Variants in FLNA observed in about 807,000 individuals in gnomAD.
FLNA encodes the protein filamin-A.
A neutral mutation model predicts 157.6 loss-of-function variants in FLNA; 7 were observed. That is an observed-to-expected ratio of 0.04 (90% CI 0.03 to 0.08). The LOEUF (loss-of-function observed/expected upper bound fraction) is 0.08. Among genes scored for constraint, FLNA ranks in the 10% least tolerant of loss-of-function variants. The pLI is 1.00. For missense variants in FLNA, 1,750 were observed against 2,398.4 expected (o/e 0.73, Z 5.65); for synonymous variants, 1,103 against 1,060.8 (o/e 1.04, Z -0.77).
rs781998679 is a variant in FLNA, at chrX:154,353,160, C to G, written c.6067G>C (p.Val2023Leu). The G allele has an allele frequency of 8.3e-7, 1 of 1,211,864 alleles. No homozygotes were observed. The highest frequency in any genetic ancestry group is 2.2e-5 in the Admixed American group (1 of 46,134). ...GCCACGTGCTGGCCATTTTTCTTCACATGCACCAGGTGCTCCCCCGTCTCC... is the reference window on the plus strand; with the variant it reads ...GCCACGTGCTGGCCATTTTTCTTCAGATGCACCAGGTGCTCCCCCGTCTCC... ...PKETGEHLVH[V>L]KKNGQHVASS... The change falls in exon 38 of 48, where the codon GTG becomes CTG. Residue 2023 changes from valine to leucine, a missense_variant. Physicochemically the swap from Val to Leu is conservative, Grantham distance 32 (BLOSUM62 1). This residue lies in a region of FLNA where 970 missense variants were observed against 1,302.6 expected (regional missense o/e 0.74). Coordinates refer to ENST00000369850, the MANE Select transcript of FLNA (RefSeq NM_001110556.2).
At position 154,352,349 on chromosome X, in the gene FLNA, G is replaced by A. The variant is rs782621818; in HGVS notation, c.6601C>T (p.Arg2201Cys). 14 of 1,210,876 alleles carry A rather than the reference G, an allele frequency of 1.2e-5. No homozygotes were observed. Among genetic ancestry groups the A allele is most frequent in the East Asian group, 3.0e-5 (1 of 33,774 alleles). The change falls in exon 41 of 48, where the codon CGC becomes TGC. Residue 2201 changes from arginine (R) to cysteine (C), a missense_variant. Coordinates refer to ENST00000369850, the MANE Select transcript of FLNA (RefSeq NM_001110556.2). ...GTGCCCATCTCAGCGGGAACAAAGC[G>A]GATGCAGTAGGTGTGGTTCTCCCCT... is the stretch of plus-strand genomic sequence containing the variant. ...VEGENHTYCI[R>C]FVPAEMGTHT...
In FLNA at chrX:154,360,193, G is replaced by A. The variant is rs201810442; in HGVS notation, c.3602C>T (p.Ala1201Val). ...GATGTACACCTCGGCCGGAAGCCCC[G>A]CCTCCGAGCAGATCTCAATGGTCAG... The part of the protein sequence containing the change: ...AELTIEICSE[A>V]GLPAEVYIQD... The change falls in exon 22 of 48, where the codon GCG becomes GTG. Residue 1201 changes from alanine to valine, a missense_variant. By Grantham distance (64) the Ala-to-Val change is moderately conservative (BLOSUM62 0). This residue lies in a region of FLNA where 3 missense variants were observed against 22.6 expected (regional missense o/e 0.13). Coordinates refer to ENST00000369850, the MANE Select transcript of FLNA (RefSeq NM_001110556.2). 2 of 1,209,753 alleles carry A rather than the reference G, an allele frequency of 1.7e-6. No homozygotes were observed. The highest frequency in any genetic ancestry group is 1.8e-5 in the South Asian group (1 of 57,049).
rs377269788 is a variant in FLNA, at chrX:154,355,089, G to T, written c.4970-17C>A. The T allele has an allele frequency of 5.8e-6, 7 of 1,197,024 alleles. No homozygotes were observed. The highest frequency in any genetic ancestry group is 6.8e-6 in the Non-Finnish European group (6 of 885,507). ...TGCCAGCACCTGGTGGGGCAGGGTG[G>T]GTCCCCAAAGGGGGGCCAGCGTGTG... On this transcript the variant is annotated splice_polypyrimidine_tract_variant and intron_variant, in intron 30 of 47. Coordinates refer to ENST00000369850, the MANE Select transcript of FLNA (RefSeq NM_001110556.2).
At chrX:154,351,133 C>T in intron 43 of FLNA, 92 bp from the exon 44 acceptor site, 1 of 1,032,120 alleles carries the variant, frequency 9.7e-7, no homozygotes, top group South Asian at 1.9e-5. Flanking sequence ...CCGCGGGTCG[C>T]ACTTACCCAT....
chrX:154,363,624 A>G lies in FLNA; in HGVS notation c.2280+398T>C, dbSNP rs782757787. On this transcript the variant is annotated intron_variant, in intron 15 of 47. Transcript: ENST00000369850. Reference sequence around the variant, plus strand: ...GCTACCCGGGAGGCTGAGGCAAGACAATGGTGTGAACCTGGGAGAAAGAGC... The same window carrying G: ...GCTACCCGGGAGGCTGAGGCAAGACGATGGTGTGAACCTGGGAGAAAGAGC... Among the ~76,000 whole-genome samples, 18 of 110,703 alleles carry G rather than the reference A, an allele frequency of 1.6e-4. No individual in the cohort carries two copies. Among genetic ancestry groups the G allele is most frequent in the Non-Finnish European group, 2.6e-4 (14 of 52,849 alleles).
rs781794634 is a variant in FLNA at position 154,362,144 on chromosome X, G to A, written c.2661C>T (p.Val887=). ...TGAAGTGGGTGGGCTTGCCAAGCTCGACACCTGAGGAACACACAGGGACCA... is the reference window on the plus strand; with the variant it reads ...TGAAGTGGGTGGGCTTGCCAAGCTCAACACCTGAGGAACACACAGGGACCA... ...AEGPGLSRTG[V]ELGKPTHFTV... Residue 887 remains valine, a synonymous_variant, in exon 19 of 48, where the codon GTC becomes GTT. Transcript: ENST00000369850. The A allele has an allele frequency of 3.7e-5, 45 of 1,209,832 alleles. No homozygotes were observed. Among genetic ancestry groups the A allele is most frequent in the Non-Finnish European group, 4.7e-5 (42 of 894,926 alleles).
In FLNA at chrX:154,371,320, C is replaced by T. The variant is rs1302039658; in HGVS notation, c.-75G>A. 3.5e-6 allele frequency: 4 copies of T among 1,133,203 alleles called. No individual in the cohort carries two copies. In the African/African-American group the frequency reaches 5.4e-5, roughly 15 times the overall value. The allele number at this position is 1,133,203 out of a possible 1,213,427, so 93.4% of individuals were successfully genotyped here. On this transcript the variant is annotated 5_prime_UTR_variant, in exon 2 of 48. Coordinates refer to ENST00000369850, the MANE Select transcript of FLNA (RefSeq NM_001110556.2). ...ACGGCCCTTTAATTAAAGTCGCAGG[C>T]ACCTAGGCGCGCGGGAGGCGAGGCA... is the stretch of plus-strand genomic sequence containing the variant.
At position 154,354,953 on chromosome X, in the gene FLNA, C is replaced by T. The variant is rs782819750; in HGVS notation, c.5089G>A (p.Asp1697Asn). The T allele has an allele frequency of 8.2e-7, 1 of 1,212,374 alleles. No homozygotes were observed. Among genetic ancestry groups the T allele is most frequent in the Non-Finnish European group, 1.1e-6 (1 of 895,691 alleles). The change falls in exon 31 of 48, where the codon GAT (aspartate) becomes AAT (asparagine). Residue 1697 changes from aspartate (D) to asparagine (N), a missense_variant. Asp to Asn is a conservative substitution (Grantham distance 23). Around this residue, in one of 5 missense-constraint regions of FLNA, gnomAD observed 970 missense variants for 1,302.6 expected, o/e 0.74. Transcript: ENST00000369850. Reference protein sequence around the residue: ...TVCTPDGSEVDVDVVENEDGT... With the variant: ...TVCTPDGSEVNVDVVENEDGT... ...TCCTCATTCTCCACCACGTCCACAT[C>T]CACCTCTGAGCCATCAGGCGTGCAC...
At position 154,358,566 on chromosome X, in the gene FLNA, G is replaced by C; in HGVS notation, c.4477C>G (p.Leu1493Val). ...LQVKVQGPKG[L>V]VEPVDVVDNA... ...TCTACCACGTCCACTGGCTCCACCA[G>C]GCCTGGCCCCAGCCCCAGGGACAGA... The change falls in exon 27 of 48, where the codon CTG becomes GTG. Residue 1493 changes from leucine to valine, a missense_variant and splice_region_variant. By Grantham distance (32) the Leu-to-Val change is conservative. This residue lies in a region of FLNA where 970 missense variants were observed against 1,302.6 expected (regional missense o/e 0.74). Coordinates refer to ENST00000369850, the MANE Select transcript of FLNA (RefSeq NM_001110556.2). The C allele has an allele frequency of 8.3e-7, 1 of 1,209,534 alleles. No homozygotes were observed. Among genetic ancestry groups the C allele is most frequent in the Non-Finnish European group, 1.1e-6 (1 of 894,857 alleles).
chrX:154,362,585 C>A lies in FLNA; in HGVS notation c.2405-7G>T, dbSNP rs782134654. 3.3e-6 allele frequency: 4 copies of A among 1,210,756 alleles called. No homozygotes were observed. The highest frequency in any genetic ancestry group is 4.5e-6 in the Non-Finnish European group (4 of 895,081). ...ATGCCGATGCTGACGTCCCCTGCGGCGGGGAGAGGAGCGGAGGCTGAGACC... is the reference window on the plus strand; with the variant it reads ...ATGCCGATGCTGACGTCCCCTGCGGAGGGGAGAGGAGCGGAGGCTGAGACC... On this transcript the variant is annotated splice_region_variant and splice_polypyrimidine_tract_variant and intron_variant, in intron 16 of 47. Transcript: ENST00000369850.
chrX:154,365,833 G>A (rs1557179072), intron 9 of FLNA, among the ~76,000 whole-genome samples, 191 bp downstream of exon 9: 2 of 112,439 alleles, frequency 1.8e-5, no homozygotes, highest in Non-Finnish European at 3.8e-5. Flanking sequence ...GGAGAGAGAT[G>A]GAGAGGGGCG....
chrX:154,355,138 TC>T lies in FLNA; in HGVS notation c.4970-67del, dbSNP rs1293265755. On this transcript the variant is annotated intron_variant, in intron 30 of 47. Transcript: ENST00000369850. Reference sequence around the variant, plus strand: ...TGAGCTCGGGTTCAGGTTGTTCCCGTCCGCCTGCCGCCCACACAGGCCTCTC... The same window carrying T: ...TGAGCTCGGGTTCAGGTTGTTCCCGTCGCCTGCCGCCCACACAGGCCTCTC... 9.8e-6 allele frequency: 11 copies of T among 1,118,596 alleles called. No homozygotes were observed. In the East Asian group the frequency reaches 3.4e-4, roughly 34 times the overall value. 92.2% of individuals were successfully genotyped at this position (1,118,596 alleles called of 1,213,427 possible).
At chrX:154,349,906 G>T in intron 45 of FLNA, 39 bp from the exon 46 acceptor site, 1 of 1,191,510 alleles carries the variant, frequency 8.4e-7, no homozygotes. Context: ...AGACTGGCCT[G>T]CCTCCCTGTC....
In FLNA at chrX:154,364,886, C is replaced by A. The variant is rs782079876; in HGVS notation, c.1763G>T (p.Gly588Val). 4 of 1,211,780 alleles carry A rather than the reference C, an allele frequency of 3.3e-6. No individual in the cohort carries two copies. In the South Asian group the frequency reaches 7.0e-5, roughly 21 times the overall value. ...GTCTGCTGACTTGCCAACGACGCCG[C>A]CCTCCAGCCCAGGGCCCCAGGCCCG... is the stretch of plus-strand genomic sequence containing the variant. Reference protein sequence around the residue: ...KVRAWGPGLEGGVVGKSADFV... With the variant: ...KVRAWGPGLEVGVVGKSADFV... Residue 588 changes from glycine to valine, a missense_variant, in exon 12 of 48, where the codon GGC becomes GTC. Gly to Val is a moderately radical substitution (Grantham distance 109). Around this residue, in one of 5 missense-constraint regions of FLNA, gnomAD observed 648 missense variants for 805.8 expected, o/e 0.80. Transcript: ENST00000369850.
At position 154,354,727 on chromosome X, in the gene FLNA, G is replaced by C; in HGVS notation, c.5218-16C>G. On this transcript the variant is annotated splice_polypyrimidine_tract_variant and intron_variant, in intron 31 of 47. Transcript: ENST00000369850. ...CAGCCAGAGCCTGCAGGGCAAAGCA[G>C]AGAGCTGCTGGAGAGTCTGTTGTCA... The C allele has an allele frequency of 8.3e-7, 1 of 1,208,406 alleles. No individual in the cohort carries two copies. Among genetic ancestry groups the C allele is most frequent in the Non-Finnish European group, 1.1e-6 (1 of 893,716 alleles).
In FLNA at chrX:154,366,096, C is replaced by T. The variant is rs2148117638; in HGVS notation, c.1357G>A (p.Val453Ile). The change falls in exon 9 of 48, where the codon GTC becomes ATC. Residue 453 changes from valine to isoleucine, a missense_variant. By Grantham distance (29) the Val-to-Ile change is conservative. Around this residue, in one of 5 missense-constraint regions of FLNA, gnomAD observed 648 missense variants for 805.8 expected, o/e 0.80. Transcript: ENST00000369850. The part of the protein sequence containing the change: ...RCSYQPTMEG[V>I]HTVHVTFAGV... ...GCAAACGTGACGTGCACGGTGTGGA[C>T]GCCCTCCATGGTGGGCTGGTAGCTG... 6.6e-6 allele frequency: 8 copies of T among 1,210,153 alleles called. No individual in the cohort carries two copies. The highest frequency in any genetic ancestry group is 5.9e-5 in the East Asian group (2 of 33,835).
chrX:154,353,551 CACCT>C lies in FLNA; in HGVS notation c.5859_5860+2del. The C allele has an allele frequency of 1.7e-6, 2 of 1,211,159 alleles. No homozygotes were observed. The highest frequency in any genetic ancestry group is 1.1e-6 in the Non-Finnish European group (1 of 894,926). On this transcript the variant is annotated splice_donor_variant and coding_sequence_variant, in exon 36 of 48. Coordinates refer to ENST00000369850, the MANE Select transcript of FLNA (RefSeq NM_001110556.2). LOFTEE classifies it high-confidence loss of function. ...TTCTGTCACTGCTCCCAGTGCCACC[CACCT>C]GTGACCCGAGCAGTGAAGGGGCTGC...
At chrX:154,364,503 G>A (rs1403039613) in intron 13 of FLNA, 23 bp downstream of exon 13, 2 of 1,203,296 alleles carry the variant, frequency 1.7e-6, no homozygotes, top group Non-Finnish European at 2.2e-6. Flanking sequence ...GCGAGACTTA[G>A]GCCATCACAG....
intron 5 of FLNA, 69 bp downstream of exon 5, chrX:154,367,328 T>C: frequency 1.8e-6 from 2 of 1,140,743 alleles, no homozygotes; most frequent in Non-Finnish European, 2.4e-6. Context: ...GACCGCCACG[T>C]TTAGATGGGA....
Sources: gnomAD v4.1 joint callset for allele counts (sites outside exome capture counted in the v4.1 genomes callset) on GRCh38, gnomAD v4.1.1 for gene constraint, gnomAD v4.1.1 regional missense constraint, MANE v1.5 for transcripts, NCBI Gene and HGNC (gene_info 2026-07-23, HGNC 2026-07-21) for gene names.